Variants in SGSM1 observed in about 807,000 individuals in gnomAD.
SGSM1 encodes RUN and TBC1 domain containing 2.
Under a neutral mutation model 133.8 loss-of-function variants are expected in SGSM1, and 73 were observed. The observed-to-expected ratio is 0.55, with a 90% CI of 0.45 to 0.66. The LOEUF is 0.66. Ranked by LOEUF, SGSM1 falls within the 30% of genes least tolerant of loss-of-function variation. SGSM1 has a pLI of 0.00. For missense variants in SGSM1, 1,213 were observed against 1,448.1 expected (o/e 0.84, Z 2.64); for synonymous variants, 563 against 573.0 (o/e 0.98, Z 0.25).
In SGSM1 at chr22:24,814,479, CTG is replaced by C. The variant is rs1233631901; in HGVS notation, c.63+7997_63+7998del. On this transcript the variant is annotated intron_variant, in intron 2 of 24. Transcript: ENST00000400358. ...AGGGGTCTGGCTGCACAATCCTCCTCTGTATCACTCTTGAGCTAAAGCCAGCA... is the reference window on the plus strand; with the variant it reads ...AGGGGTCTGGCTGCACAATCCTCCTCTATCACTCTTGAGCTAAAGCCAGCA... Among the ~76,000 whole-genome samples the C allele has an allele frequency of 3.9e-5, 6 of 152,102 alleles. No homozygotes were observed. The East Asian group carries it at 1.2e-3, about 30-fold the overall frequency.
chr22:24,851,827 C>T (rs1044696393), intron 5 of SGSM1, among the ~76,000 whole-genome samples: 1 of 152,154 alleles, frequency 6.6e-6, no homozygotes, highest in African/African-American at 2.4e-5. Context: ...CAAAGTGTTT[C>T]TGGTGGAGGG....
intron 16 of SGSM1, among the ~76,000 whole-genome samples, chr22:24,887,043 A>G (rs1398510416): frequency 6.6e-6 from 1 of 152,092 alleles, no homozygotes; most frequent in Admixed American, 6.6e-5. Context: ...TATCGGAACC[A>G]GAAGATTGAC....
At chr22:24,843,722 G>A (rs1018887348) in intron 2 of SGSM1, 1 of 152,276 alleles carries the variant, frequency 6.6e-6, no homozygotes, top group Admixed American at 6.5e-5. Flanking sequence ...GCTGCCAGAG[G>A]ATCAACACCA....
intron 2 of SGSM1, among the ~76,000 whole-genome samples, chr22:24,808,634 A>G (rs1057285815): frequency 6.6e-6 from 1 of 152,170 alleles, no homozygotes; most frequent in African/African-American, 2.4e-5. Flanking sequence ...GAACACCAGT[A>G]AGACATCTGG....
intron 17 of SGSM1, among the ~76,000 whole-genome samples, chr22:24,894,874 A>C (rs1483817661): frequency 6.6e-6 from 1 of 151,570 alleles, no homozygotes; most frequent in Non-Finnish European, 1.5e-5. Context: ...TACAGGGATC[A>C]TGGGAAAAAA....
chr22:24,885,819 C>T (rs9620452), intron 15 of SGSM1, among the ~76,000 whole-genome samples: 367 of 151,766 alleles, frequency 2.4e-3, no homozygotes, highest in African/African-American at 7.1e-3. Flanking sequence ...CCCATTGATG[C>T]GCAGTTGGAG....
At chr22:24,847,026 G>A (rs1286850459) in intron 3 of SGSM1, among the ~76,000 whole-genome samples, 12 of 151,932 alleles carry the variant, frequency 7.9e-5, no homozygotes, top group Non-Finnish European at 5.9e-5. Flanking sequence ...ATTTTTAGTA[G>A]AGGCGGGGTT....
chr22:24,834,461 G>C (rs139640), intron 2 of SGSM1, among the ~76,000 whole-genome samples: 1 of 152,040 alleles, frequency 6.6e-6, no homozygotes, highest in Admixed American at 6.5e-5. Context: ...CATGCTACAA[G>C]GGCAGAGTTT....
At chr22:24,832,914 C>A (rs929720363) in intron 2 of SGSM1, among the ~76,000 whole-genome samples, 8 of 151,840 alleles carry the variant, frequency 5.3e-5, no homozygotes, top group Admixed American at 2.0e-4. Flanking sequence ...CATGATCTTC[C>A]CTTTGTAGCT....
At chr22:24,819,521 G>A (rs934493884) in intron 2 of SGSM1, among the ~76,000 whole-genome samples, 2 of 152,308 alleles carry the variant, frequency 1.3e-5, no homozygotes, top group Middle Eastern at 3.4e-3. Flanking sequence ...GAGGCCCGAG[G>A]TCACCCAGCA....
At chr22:24,895,174 G>A (rs759890460) in intron 17 of SGSM1, 49 bp from the exon 18 acceptor site, 1 of 1,560,284 alleles carries the variant, frequency 6.4e-7, no homozygotes, top group Non-Finnish European at 8.7e-7. Flanking sequence ...CCTGCTCTGG[G>A]CCAGGGTGCA....
chr22:24,897,443 G>A (rs1932947717), intron 18 of SGSM1, among the ~76,000 whole-genome samples: 1 of 152,134 alleles, frequency 6.6e-6, no homozygotes, highest in South Asian at 2.1e-4. Flanking sequence ...ATTATTTTAT[G>A]CATACACAAG....
chr22:24,914,782 C>T, intron 22 of SGSM1, among the ~76,000 whole-genome samples: 1 of 152,072 alleles, frequency 6.6e-6, no homozygotes, highest in Non-Finnish European at 1.5e-5. Flanking sequence ...ATTCCTCTTT[C>T]CCGGAAGTAC....
In SGSM1 at chr22:24,926,960, AT is replaced by A. The variant is rs574632118; in HGVS notation, c.*2687del. On this transcript the variant is annotated 3_prime_UTR_variant, in exon 25 of 25. Coordinates refer to ENST00000400358, the MANE Select transcript of SGSM1 (RefSeq NM_001098497.3). ...CCCTATATGGGGTCAGATTTTTGTAATAGCTGCCTGGCCTTTTCCCAGAAAA... is the reference window on the plus strand; with the variant it reads ...CCCTATATGGGGTCAGATTTTTGTAAAGCTGCCTGGCCTTTTCCCAGAAAA... 1.2e-3 allele frequency: 184 copies of A among 152,110 alleles called. No individual in the cohort carries two copies. The highest frequency in any genetic ancestry group is 4.0e-3 in the African/African-American group (166 of 41,506). 9.4% of individuals were successfully genotyped at this position (152,110 alleles called of 1,614,324 possible).
Position 24,850,386 on chromosome 22 carries a change from G to C in SGSM1, c.409G>C (p.Glu137Gln), listed in dbSNP as rs368349533. ...KHLWIRTALF[E>Q]KVLDKIVHYL... is the part of the protein sequence containing the mutation. ...TCTGTGGATTCGCACAGCCTTGTTTGAGAAGGTCCTGGACAAAATTGTGCA... is the reference window on the plus strand; with the variant it reads ...TCTGTGGATTCGCACAGCCTTGTTTCAGAAGGTCCTGGACAAAATTGTGCA... Residue 137 changes from glutamate (E) to glutamine (Q), a missense_variant, in exon 5 of 25, where the codon GAG (glutamate) becomes CAG (glutamine). Physicochemically the swap from Glu to Gln is conservative, Grantham distance 29 (BLOSUM62 2). Coordinates refer to ENST00000400358, the MANE Select transcript of SGSM1 (RefSeq NM_001098497.3). 49 of 1,613,888 alleles carry C rather than the reference G, an allele frequency of 3.0e-5. No homozygotes were observed. The highest frequency in any genetic ancestry group is 3.8e-5 in the Non-Finnish European group (45 of 1,179,898).
chr22:24,869,078 G>A (rs1220075743), intron 12 of SGSM1, among the ~76,000 whole-genome samples: 2 of 152,170 alleles, frequency 1.3e-5, no homozygotes, highest in Non-Finnish European at 2.9e-5. Flanking sequence ...GGTGGCCTGG[G>A]GTAGTGGCAA....
Position 24,911,066 on chromosome 22 carries a change from C to T in SGSM1, c.2819-1577C>T, listed in dbSNP as rs151290859. On this transcript the variant is annotated intron_variant, in intron 21 of 24. Coordinates refer to ENST00000400358, the MANE Select transcript of SGSM1 (RefSeq NM_001098497.3). ...GCCTGGGCAACATGGTGAAACGTCA[C>T]CTCTACAAAAAATAGAAAAATTAGC... Among the ~76,000 whole-genome samples the T allele has an allele frequency of 2.5e-3, 377 of 152,014 alleles. 11 individuals are homozygous for T. In the East Asian group the frequency reaches 0.047, roughly 19 times the overall value.
At chr22:24,881,565 C>CAAAAAA (rs1380197608) in intron 14 of SGSM1, among the ~76,000 whole-genome samples, 2 of 148,280 alleles carry the variant, frequency 1.3e-5, no homozygotes, top group African/African-American at 4.9e-5. Context: ...GACTCCGTCT[C>CAAAAAA]AAAAACAAAA....
intron 2 of SGSM1, among the ~76,000 whole-genome samples, chr22:24,835,796 CCTT>C (rs1361233013): frequency 6.6e-6 from 1 of 151,766 alleles, no homozygotes; most frequent in Non-Finnish European, 1.5e-5. Flanking sequence ...AGAGGGGCCT[CCTT>C]GTGTGAGGTG....
Sources: gnomAD v4.1 joint callset for allele counts (sites outside exome capture counted in the v4.1 genomes callset) on GRCh38, gnomAD v4.1.1 for gene constraint, MANE v1.5 for transcripts, NCBI Gene and HGNC (gene_info 2026-07-23, HGNC 2026-07-21) for gene names.